ATRX: variants seen among roughly 807,000 people sequenced by gnomAD.
The protein encoded by ATRX is ATRX chromatin remodeler.
In ATRX, 12 loss-of-function variants were observed where a neutral mutation model predicts 172.6. The ratio of observed to expected loss-of-function variants is 0.07; its 90% CI spans 0.04 to 0.11. ATRX has a LOEUF of 0.11. Ranked by LOEUF, ATRX falls within the 10% of genes least tolerant of loss-of-function variation. The probability of loss-of-function intolerance (pLI) is 1.00; values close to 1 mark genes in which losing one functional copy is unlikely to be tolerated. For missense variants in ATRX, 1,368 were observed against 1,767.4 expected (o/e 0.77, Z 4.05); for synonymous variants, 674 against 594.7 (o/e 1.13, Z -1.94).
At chrX:77,680,513 C>A (rs1253740797) in intron 9 of ATRX, among the ~76,000 whole-genome samples, 2 of 111,633 alleles carry the variant, frequency 1.8e-5, no homozygotes, top group East Asian at 5.6e-4. Context: ...GCCTGGGTAA[C>A]ATAGCAAGAC....
chrX:77,506,360 C>T lies in ATRX; in HGVS notation c.*1991G>A, dbSNP rs2062706302. 1 of 171,798 alleles carries T rather than the reference C, an allele frequency of 5.8e-6. No homozygotes were observed. Among genetic ancestry groups the T allele is most frequent in the Admixed American group, 8.0e-5 (1 of 12,505 alleles). The allele number at this position is 171,798 out of a possible 1,213,427, so 14.2% of individuals were successfully genotyped here. A position where few individuals can be genotyped will look rare whatever the true frequency, so the allele number is the denominator to read the frequency against. On this transcript the variant is annotated 3_prime_UTR_variant, in exon 35 of 35. Coordinates refer to ENST00000373344, the MANE Select transcript of ATRX (RefSeq NM_000489.6). ...AAACTCTGATTTCCAATTAACCCTT[C>T]TAAGTATTATTCTTTAAGTTATAGT...
At chrX:77,765,896 AAC>A (rs782812043) in intron 1 of ATRX, among the ~76,000 whole-genome samples, 38 of 108,646 alleles carry the variant, frequency 3.5e-4, no homozygotes, top group African/African-American at 1.2e-3. Flanking sequence ...GATGATTCTT[AAC>A]GAGCATGCTG....
At chrX:77,692,398 C>A (rs2071942457) in intron 6 of ATRX, among the ~76,000 whole-genome samples, 1 of 111,824 alleles carries the variant, frequency 8.9e-6, no homozygotes, top group African/African-American at 3.2e-5. Flanking sequence ...GTTGACTACC[C>A]CTTTGTGGAC....
At chrX:77,762,294 G>A in intron 1 of ATRX, among the ~76,000 whole-genome samples, 1 of 75,144 alleles carries the variant, frequency 1.3e-5, no homozygotes, top group East Asian at 4.5e-4. Context: ...GACAGAGCAA[G>A]ACTCTGTCTC....
At chrX:77,768,951 C>T (rs1457353249) in intron 1 of ATRX, among the ~76,000 whole-genome samples, 2 of 111,493 alleles carry the variant, frequency 1.8e-5, no homozygotes, top group African/African-American at 6.5e-5. Context: ...GAGCTTGTAG[C>T]TTACCAACTT....
At chrX:77,558,077 C>A (rs782147373) in intron 29 of ATRX, among the ~76,000 whole-genome samples, 20 of 110,534 alleles carry the variant, frequency 1.8e-4, no homozygotes, top group Non-Finnish European at 3.4e-4. Flanking sequence ...CCATAAAATG[C>A]CTTTATATCG....
intron 4 of ATRX, 25 bp from the exon 5 acceptor site, chrX:77,696,729 A>C: frequency 8.5e-7 from 1 of 1,176,114 alleles, no homozygotes; most frequent in Non-Finnish European, 1.2e-6. Flanking sequence ...AGTTCATAGA[A>C]TTATGAATGT....
chrX:77,652,493 G>T, intron 14 of ATRX, 140 bp from the exon 15 acceptor site: 1,063 of 333,060 alleles, frequency 3.2e-3, no homozygotes, highest in Non-Finnish European at 4.3e-3. Flanking sequence ...CAATAGAGTA[G>T]TATTAAAAAA....
chrX:77,567,010 C>A, intron 28 of ATRX, among the ~76,000 whole-genome samples: 1 of 110,891 alleles, frequency 9.0e-6, no homozygotes, highest in African/African-American at 3.3e-5. Context: ...TTCTGCACAT[C>A]AATTAAACTG....
intron 1 of ATRX, among the ~76,000 whole-genome samples, chrX:77,783,287 C>T (rs898238179): frequency 4.5e-5 from 5 of 111,698 alleles, no homozygotes; most frequent in Admixed American, 3.8e-4. Flanking sequence ...CCCAGGTACC[C>T]AAGTACTACA....
At chrX:77,538,448 T>A (rs1332350509) in intron 30 of ATRX, among the ~76,000 whole-genome samples, 2 of 110,560 alleles carry the variant, frequency 1.8e-5, no homozygotes, top group Non-Finnish European at 3.8e-5. Context: ...AATGGAATAA[T>A]AGACACTAGA....
intron 27 of ATRX, among the ~76,000 whole-genome samples, chrX:77,579,171 T>C (rs1350936939): frequency 8.9e-6 from 1 of 112,784 alleles, no homozygotes; most frequent in Non-Finnish European, 1.9e-5. Flanking sequence ...CTCCAGGCCC[T>C]GGCTCCAGAA....
At chrX:77,727,464 A>G (rs782417973) in intron 1 of ATRX, among the ~76,000 whole-genome samples, 3 of 111,563 alleles carry the variant, frequency 2.7e-5, no homozygotes, top group Non-Finnish European at 5.6e-5. Context: ...GATAAAGAAA[A>G]TGTGGCACCT....
At chrX:77,694,076 C>G (rs2072048911) in intron 5 of ATRX, 139 bp from the exon 6 acceptor site, 2 of 484,435 alleles carry the variant, frequency 4.1e-6, no homozygotes, top group Admixed American at 3.3e-5. Flanking sequence ...AAGGACCTCA[C>G]AAAAGTAAAT....
intron 1 of ATRX, among the ~76,000 whole-genome samples, chrX:77,724,371 A>G (rs1557171324): frequency 9.1e-6 from 1 of 109,902 alleles, no homozygotes; most frequent in Admixed American, 9.8e-5. Context: ...CTGCCTACTC[A>G]TTTGAAAAAG....
intron 22 of ATRX, among the ~76,000 whole-genome samples, chrX:77,605,363 G>T (rs1476693903): frequency 9.0e-6 from 1 of 111,510 alleles, no homozygotes; most frequent in Middle Eastern, 4.3e-3. Context: ...GGGAGGCAGA[G>T]GTTGCAGTGA....
At chrX:77,531,188 G>A (rs782095861) in intron 30 of ATRX, among the ~76,000 whole-genome samples, 23 of 111,724 alleles carry the variant, frequency 2.1e-4, no homozygotes, top group Non-Finnish European at 3.4e-4. Flanking sequence ...ATTCATAGCC[G>A]AATTCTACCA....
intron 30 of ATRX, among the ~76,000 whole-genome samples, chrX:77,529,599 A>C (rs1569517474): frequency 8.9e-6 from 1 of 111,766 alleles, no homozygotes; most frequent in Non-Finnish European, 1.9e-5. Context: ...CATTTAGACA[A>C]GCAAATGCTG....
intron 1 of ATRX, among the ~76,000 whole-genome samples, chrX:77,778,491 G>A (rs2076438373): frequency 9.1e-6 from 1 of 109,542 alleles, no homozygotes; most frequent in Non-Finnish European, 1.9e-5. Context: ...GGGAGGCCAA[G>A]GCGGGCGGAT....
Sources: allele counts gnomAD v4.1 joint callset (sites outside exome capture counted in the v4.1 genomes callset), GRCh38; gene constraint gnomAD v4.1.1; transcripts MANE v1.5; gene names NCBI Gene and HGNC (gene_info 2026-07-23, HGNC 2026-07-21).